ZC3H14: variants seen among roughly 807,000 people sequenced by gnomAD.
ZC3H14 encodes zinc finger CCCH-type containing 14.
ZC3H14 carries 31 observed loss-of-function variants against 92.4 expected under a neutral mutation model. That is an observed-to-expected ratio of 0.34 (90% CI 0.25 to 0.45). The LOEUF is 0.45. Among genes scored for constraint, ZC3H14 ranks in the 20% least tolerant of loss-of-function variants. The probability of loss-of-function intolerance (pLI) is 1.00; values close to 1 mark genes in which losing one functional copy is unlikely to be tolerated. For synonymous variants in ZC3H14, 321 were observed against 300.9 expected (o/e 1.07, Z -0.69); for missense variants, 781 against 897.3 (o/e 0.87, Z 1.66).
intron 13 of ZC3H14, chr14:88,608,201 CCCCCATCTTACCCTGCAAGTGAATACCAT>C: frequency 1.1e-5 from 5 of 435,452 alleles, no homozygotes; most frequent in African/African-American, 4.7e-5. Context: ...CAAGTACCAT[CCCCCATCTTACCCTGCAAGTGAATACCAT>C]CCCCATCTCA....
At chr14:88,585,380 C>CT (rs34472063) in intron 9 of ZC3H14, among the ~76,000 whole-genome samples, 19 of 120,614 alleles carry the variant, frequency 1.6e-4, no homozygotes, top group African/African-American at 4.7e-4. Context: ...CCTTTCTGTT[C>CT]TTTTTTTTTT....
chr14:88,586,127 C>T (rs138875634), intron 9 of ZC3H14, among the ~76,000 whole-genome samples: 10 of 152,210 alleles, frequency 6.6e-5, no homozygotes, highest in Middle Eastern at 6.8e-3. Flanking sequence ...GAGATTGCGC[C>T]GCTGCACTCC....
In ZC3H14 at chr14:88,575,834, T is replaced by G. The variant is rs1484119765; in HGVS notation, c.1023-6T>G. 1 of 1,609,770 alleles carries G rather than the reference T, an allele frequency of 6.2e-7. No homozygotes were observed. Among genetic ancestry groups the G allele is most frequent in the Admixed American group, 1.7e-5 (1 of 60,004 alleles). On this transcript the variant is annotated splice_region_variant and splice_polypyrimidine_tract_variant and intron_variant, in intron 7 of 16. Coordinates refer to ENST00000251038, the MANE Select transcript of ZC3H14 (RefSeq NM_024824.5). The stretch of plus-strand genomic sequence containing the variant: ...TTAATAAAAATACCTTTCTTAACTC[T>G]TTTAGACCTTCTCTTCCACCTTCTA...
At chr14:88,592,966 C>T (rs1333208877) in intron 9 of ZC3H14, among the ~76,000 whole-genome samples, 1 of 134,664 alleles carries the variant, frequency 7.4e-6, no homozygotes, top group African/African-American at 2.6e-5. Flanking sequence ...GAAGTCTTTA[C>T]TATTCTTTTT....
At chr14:88,580,341 G>A (rs925538110) in intron 9 of ZC3H14, among the ~76,000 whole-genome samples, 3 of 152,106 alleles carry the variant, frequency 2.0e-5, no homozygotes, top group Non-Finnish European at 4.4e-5. Flanking sequence ...GAACTCGAAA[G>A]AATTAGTGCG....
rs192516005 is a variant in ZC3H14 at position 88,607,288 on chromosome 14, T to C, written c.1793T>C (p.Leu598Ser). The change falls in exon 13 of 17, where the codon TTG (leucine) becomes TCG (serine). Residue 598 changes from leucine to serine, a missense_variant. This residue lies in a region of ZC3H14 where 221 missense variants were observed against 304.7 expected (regional missense o/e 0.73). Transcript: ENST00000251038. ...LSVAQKPEKL[L>S]ERCKYWPACK... ...GTGGCACAGAAACCAGAAAAACTTT[T>C]GGAGCGCTGCAAGTACTGGCCTGCT... 1.5e-5 allele frequency: 25 copies of C among 1,614,064 alleles called. No individual in the cohort carries two copies. The highest frequency in any genetic ancestry group is 2.2e-5 in the East Asian group (1 of 44,882).
At position 88,625,006 on chromosome 14, in the gene ZC3H14, C is replaced by T. The variant is rs918101117; in HGVS notation, c.*13255C>T. 42 of 1,613,562 alleles carry T rather than the reference C, an allele frequency of 2.6e-5. No homozygotes were observed. Among genetic ancestry groups the T allele is most frequent in the East Asian group, 4.5e-5 (2 of 44,884 alleles). On this transcript the variant is annotated 3_prime_UTR_variant, in exon 17 of 17. Transcript: ENST00000251038. ...TCCCCCAGTCACGATAAGTCCATCT[C>T]GCAGGGTGGTGTACATGGCAAACAC...
chr14:88,626,440 C>T lies in ZC3H14; in HGVS notation c.*14689C>T, dbSNP rs953839194. On this transcript the variant is annotated 3_prime_UTR_variant, in exon 17 of 17. Coordinates refer to ENST00000251038, the MANE Select transcript of ZC3H14 (RefSeq NM_024824.5). ...GCTTGAGACCACCTAGGCAACATAG[C>T]GAAACCCTGTCTCTACTAAAAATGA... 3.8e-5 allele frequency: 7 copies of T among 184,094 alleles called. No individual in the cohort carries two copies. The highest frequency in any genetic ancestry group is 5.4e-5 in the Admixed American group (1 of 18,486). The allele number at this position is 184,094 out of a possible 1,614,324, so 11.4% of individuals were successfully genotyped here. A position where few individuals can be genotyped will look rare whatever the true frequency, so the allele number is the denominator to read the frequency against.
rs932698959 is a variant in ZC3H14 at position 88,625,008 on chromosome 14, C to G, written c.*13257C>G. ...CCCCAGTCACGATAAGTCCATCTCG[C>G]AGGGTGGTGTACATGGCAAACACAG... On this transcript the variant is annotated 3_prime_UTR_variant, in exon 17 of 17. Transcript: ENST00000251038. The G allele has an allele frequency of 1.2e-5, 19 of 1,613,530 alleles. No homozygotes were observed. The highest frequency in any genetic ancestry group is 1.4e-5 in the Non-Finnish European group (17 of 1,179,678).
rs570475894 is a variant in ZC3H14 at position 88,622,125 on chromosome 14, T to C, written c.*10374T>C. On this transcript the variant is annotated 3_prime_UTR_variant, in exon 17 of 17. Coordinates refer to ENST00000251038, the MANE Select transcript of ZC3H14 (RefSeq NM_024824.5). ...GTTTCTGCACAGGAGTGAGAACATG[T>C]ATTTATCTTTCTGTGCCTGGCTTAT... The C allele has an allele frequency of 5.2e-4, 106 of 202,790 alleles. 6 individuals carry two copies. The South Asian group carries it at 9.0e-3, about 17-fold the overall frequency. The allele number at this position is 202,790 out of a possible 1,614,324, so 12.6% of individuals were successfully genotyped here. A position where few individuals can be genotyped will look rare whatever the true frequency, so the allele number is the denominator to read the frequency against.
Position 88,610,853 on chromosome 14 carries a change from A to G in ZC3H14, c.2117A>G (p.Gln706Arg), listed in dbSNP as rs1473082732. Residue 706 changes from glutamine to arginine, a missense_variant, in exon 16 of 17, where the codon CAA becomes CGA. Coordinates refer to ENST00000251038, the MANE Select transcript of ZC3H14 (RefSeq NM_024824.5). The stretch of plus-strand genomic sequence containing the variant: ...ATTCAGCATTGTAGGTTTAACACTC[A>G]ATGTACAAGACCGGACTGCACATTC... ...YHPKHCRFNTQCTRPDCTFYH... is the reference protein window; with the variant it reads ...YHPKHCRFNTRCTRPDCTFYH... The G allele has an allele frequency of 1.2e-6, 2 of 1,614,138 alleles. No individual in the cohort carries two copies. Among genetic ancestry groups the G allele is most frequent in the East Asian group, 4.5e-5 (2 of 44,870 alleles).
rs1274626011 is a variant in ZC3H14, at chr14:88,612,650, A to G, written c.*899A>G. The G allele has an allele frequency of 6.6e-6, 1 of 152,660 alleles. No homozygotes were observed. The highest frequency in any genetic ancestry group is 1.5e-5 in the Non-Finnish European group (1 of 68,046). The allele number at this position is 152,660 out of a possible 1,614,324, so 9.5% of individuals were successfully genotyped here. A position where few individuals can be genotyped will look rare whatever the true frequency, so the allele number is the denominator to read the frequency against. ...AAAATATACTTAGTTACTACTGAAG[A>G]TAATTTTTGAAATGTAAAAATTAGA... On this transcript the variant is annotated 3_prime_UTR_variant, in exon 17 of 17. Coordinates refer to ENST00000251038, the MANE Select transcript of ZC3H14 (RefSeq NM_024824.5).
In ZC3H14 at chr14:88,616,342, A is replaced by G; in HGVS notation, c.*4591A>G. 8.4e-7 allele frequency: 1 copy of G among 1,187,466 alleles called. No homozygotes were observed. The highest frequency in any genetic ancestry group is 1.2e-6 in the Non-Finnish European group (1 of 803,568). The allele number at this position is 1,187,466 out of a possible 1,614,324, so 73.6% of individuals were successfully genotyped here. A position where few individuals can be genotyped will look rare whatever the true frequency, so the allele number is the denominator to read the frequency against. ...TCTCTATGACAAGAGCTGTGGAGAG[A>G]GTAGGGAGTTAGCACCGCAGCCAGT... On this transcript the variant is annotated 3_prime_UTR_variant, in exon 17 of 17. Transcript: ENST00000251038.
Position 88,617,143 on chromosome 14 carries a change from AT to A in ZC3H14, c.*5398del, listed in dbSNP as rs1242175306. The A allele has an allele frequency of 7.6e-6, 2 of 264,188 alleles. No homozygotes were observed. The highest frequency in any genetic ancestry group is 6.7e-5 in the East Asian group (1 of 14,930). The allele number at this position is 264,188 out of a possible 1,614,324, so 16.4% of individuals were successfully genotyped here. A position where few individuals can be genotyped will look rare whatever the true frequency, so the allele number is the denominator to read the frequency against. On this transcript the variant is annotated 3_prime_UTR_variant, in exon 17 of 17. Transcript: ENST00000251038. ...GTACTTTATGAAAACTGATAGAACTATTTTTTCTTTTTTTTTTTTTGAGACG... is the reference window on the plus strand; with the variant it reads ...GTACTTTATGAAAACTGATAGAACTATTTTTCTTTTTTTTTTTTTGAGACG...
rs539163379 is a variant in ZC3H14 at position 88,622,853 on chromosome 14, C to T, written c.*11102C>T. 5.7e-6 allele frequency: 3 copies of T among 525,604 alleles called. No homozygotes were observed. The South Asian group carries it at 1.4e-4, about 24-fold the overall frequency. 32.6% of individuals were successfully genotyped at this position (525,604 alleles called of 1,614,324 possible). On this transcript the variant is annotated 3_prime_UTR_variant, in exon 17 of 17. Transcript: ENST00000251038. ...ATATTTATAATTTACCTCTAATATT[C>T]TTGTAAACTTTCTATGGCAATTTGA...
intron 1 of ZC3H14, chr14:88,563,414 A>G: frequency 3.2e-5 from 45 of 1,428,504 alleles, no homozygotes; most frequent in Non-Finnish European, 4.1e-5. Context: ...GGCTGGAGCC[A>G]CCACCGCGGC....
At chr14:88,605,361 C>G (rs1188421608) in intron 12 of ZC3H14, among the ~76,000 whole-genome samples, 1 of 152,172 alleles carries the variant, frequency 6.6e-6, no homozygotes, top group Non-Finnish European at 1.5e-5. Flanking sequence ...GAAAGGGTAT[C>G]CCTCCTGTTG....
At position 88,627,167 on chromosome 14, in the gene ZC3H14, C is replaced by T; in HGVS notation, c.*15416C>T. ...AGGCTTAGAAGAGAGGCCAATGGCCCCTGCTCTACTACCTAGCAATACATG... is the reference window on the plus strand; with the variant it reads ...AGGCTTAGAAGAGAGGCCAATGGCCTCTGCTCTACTACCTAGCAATACATG... On this transcript the variant is annotated 3_prime_UTR_variant, in exon 17 of 17. Transcript: ENST00000251038. The T allele has an allele frequency of 2.3e-6, 2 of 885,396 alleles. No homozygotes were observed. The highest frequency in any genetic ancestry group is 1.5e-5 in the South Asian group (1 of 64,666). The allele number at this position is 885,396 out of a possible 1,614,324, so 54.8% of individuals were successfully genotyped here. A position where few individuals can be genotyped will look rare whatever the true frequency, so the allele number is the denominator to read the frequency against.
chr14:88,568,116 C>T lies in ZC3H14; in HGVS notation c.157C>T (p.Leu53=), dbSNP rs770878016. ...SQDQMTEDLS[L]FLGNNTIRFT... is the part of the protein sequence containing the mutation. ...GGACCAAATGACAGAGGATCTGTCC[C>T]TGTTTCTAGGGAACAACACAATTCG... The change falls in exon 3 of 17, where the codon CTG becomes TTG. Residue 53 remains leucine, a synonymous_variant. Coordinates refer to ENST00000251038, the MANE Select transcript of ZC3H14 (RefSeq NM_024824.5). 1 of 1,614,092 alleles carries T rather than the reference C, an allele frequency of 6.2e-7. No individual in the cohort carries two copies. Among genetic ancestry groups the T allele is most frequent in the South Asian group, 1.1e-5 (1 of 91,080 alleles).
Sources: gnomAD v4.1 joint callset for allele counts (sites outside exome capture counted in the v4.1 genomes callset) on GRCh38, gnomAD v4.1.1 for gene constraint, gnomAD v4.1.1 regional missense constraint, MANE v1.5 for transcripts, NCBI Gene and HGNC (gene_info 2026-07-23, HGNC 2026-07-21) for gene names.